SKAP2: variants seen among roughly 807,000 people sequenced by gnomAD.
The protein encoded by SKAP2 is src kinase associated phosphoprotein 2, also known as src kinase-associated phosphoprotein 2.
A neutral mutation model predicts 54.9 loss-of-function variants in SKAP2; 28 were observed. The observed-to-expected ratio is 0.51, with a 90% CI of 0.38 to 0.70. SKAP2 has a LOEUF of 0.70. Among genes scored for constraint, SKAP2 ranks in the 30% least tolerant of loss-of-function variants. SKAP2 has a pLI of 0.00. For missense variants in SKAP2, 356 were observed against 424.1 expected (o/e 0.84, Z 1.41); for synonymous variants, 137 against 134.3 (o/e 1.02, Z -0.14).
At chr7:26,830,496 T>C (rs1007074934) in intron 4 of SKAP2, among the ~76,000 whole-genome samples, 3 of 152,146 alleles carry the variant, frequency 2.0e-5, no homozygotes, top group African/African-American at 7.2e-5. Flanking sequence ...AAAATCAAAA[T>C]GATCTCTTTT....
At chr7:26,813,531 G>T (rs764316041) in intron 4 of SKAP2, among the ~76,000 whole-genome samples, 35 of 152,226 alleles carry the variant, frequency 2.3e-4, no homozygotes, top group Non-Finnish European at 4.0e-4. Context: ...ACTATGGGTT[G>T]TGCAAATGTG....
chr7:26,696,209 T>C (rs1786891468), intron 9 of SKAP2, among the ~76,000 whole-genome samples: 1 of 152,236 alleles, frequency 6.6e-6, no homozygotes, highest in African/African-American at 2.4e-5. Context: ...CAATAGACTA[T>C]TATTTTACAG....
intron 3 of SKAP2, among the ~76,000 whole-genome samples, chr7:26,850,317 T>C (rs1785012644): frequency 6.6e-6 from 1 of 152,066 alleles, no homozygotes; most frequent in South Asian, 2.1e-4. Context: ...TGGTGACTCA[T>C]GCCTGTAAGT....
chr7:26,717,971 A>G (rs1787497329), intron 9 of SKAP2, among the ~76,000 whole-genome samples: 1 of 152,080 alleles, frequency 6.6e-6, no homozygotes, highest in African/African-American at 2.4e-5. Flanking sequence ...CAGAATTTCT[A>G]TATCAGAAAA....
intron 4 of SKAP2, among the ~76,000 whole-genome samples, chr7:26,798,977 A>G (rs1783845177): frequency 6.7e-6 from 1 of 150,004 alleles, no homozygotes; most frequent in Admixed American, 6.6e-5. Flanking sequence ...TACCTTCACT[A>G]GAGGAAGACA....
downstream of SKAP2, among the ~76,000 whole-genome samples, chr7:26,665,992 TACAC>T (rs57804557): frequency 1.4e-4 from 21 of 149,718 alleles, no homozygotes; most frequent in African/African-American, 5.1e-4. Flanking sequence ...ATATACAGTG[TACAC>T]ACACACACAC....
chr7:26,790,105 T>C (rs1446785437), intron 4 of SKAP2, among the ~76,000 whole-genome samples: 3 of 152,184 alleles, frequency 2.0e-5, no homozygotes, highest in African/African-American at 7.2e-5. Context: ...AATCATCACC[T>C]CTAACTGTTC....
chr7:26,772,596 C>T (rs112564881), intron 4 of SKAP2, among the ~76,000 whole-genome samples: 248 of 152,282 alleles, frequency 1.6e-3, no homozygotes, highest in African/African-American at 5.7e-3. Flanking sequence ...CTGATATATA[C>T]GTACCACCTT....
In SKAP2 at chr7:26,814,215, T is replaced by C. The variant is rs911766798; in HGVS notation, c.307+29815A>G. Among the ~76,000 whole-genome samples the C allele has an allele frequency of 3.9e-5, 6 of 152,324 alleles. 1 individual carries two copies. Among genetic ancestry groups the C allele is most frequent in the East Asian group, 1.9e-4 (1 of 5,196 alleles). On this transcript the variant is annotated intron_variant, in intron 4 of 12. Transcript: ENST00000345317. The stretch of plus-strand genomic sequence containing the variant: ...ATATGTATGCCTTCTTAGCTCATTA[T>C]TAAAATTTGATATAATTGTTGTAAA...
chr7:26,742,777 T>C (rs1782481280), intron 4 of SKAP2, among the ~76,000 whole-genome samples: 1 of 152,190 alleles, frequency 6.6e-6, no homozygotes, highest in African/African-American at 2.4e-5. Flanking sequence ...TTTAGATTTT[T>C]AAATTTTCAG....
chr7:26,725,460 G>T lies in SKAP2; in HGVS notation c.764C>A (p.Pro255Gln), dbSNP rs772293020. Residue 255 changes from proline (P) to glutamine (Q), a missense_variant, in exon 9 of 13, where the codon CCA (proline) becomes CAA (glutamine). By Grantham distance (76) the Pro-to-Gln change is moderately conservative. Transcript: ENST00000345317. ...PISNPLTSSQ[P>Q]IDDEIYEELP... The stretch of plus-strand genomic sequence containing the variant: ...TTCTTCATAAATTTCATCATCTATT[G>T]GTTGACTGCTTGTTAGTGGATTGCT... 1.7e-5 allele frequency: 27 copies of T among 1,611,028 alleles called. No individual in the cohort carries two copies. Among genetic ancestry groups the T allele is most frequent in the South Asian group, 8.8e-5 (8 of 90,700 alleles).
rs1165991271 is a variant in SKAP2 at position 26,864,362 on chromosome 7, C to G, written c.67+1G>C. On this transcript the variant is annotated splice_donor_variant, in intron 1 of 12. Transcript: ENST00000345317. LOFTEE classifies it high-confidence loss of function. ...ATTATCGCCGCCTTCCCGCTCTTTA[C>G]CTGCCAACAGGTTCCTAATTTCCTC... 3 of 1,613,718 alleles carry G rather than the reference C, an allele frequency of 1.9e-6. No individual in the cohort carries two copies. In the African/African-American group the frequency reaches 4.0e-5, roughly 22 times the overall value.
intron 4 of SKAP2, among the ~76,000 whole-genome samples, chr7:26,787,048 CATTTTT>C (rs1272178058): frequency 1.3e-5 from 2 of 152,098 alleles, no homozygotes; most frequent in East Asian, 3.9e-4. Context: ...CAAGTAAACT[CATTTTT>C]AGTTTTCATG....
At chr7:26,833,251 C>T (rs1174545669) in intron 4 of SKAP2, among the ~76,000 whole-genome samples, 1 of 151,804 alleles carries the variant, frequency 6.6e-6, no homozygotes, top group Admixed American at 6.6e-5. Flanking sequence ...AAAAAATTAG[C>T]CAGGAGTGGT....
chr7:26,864,322 C>T (rs1380507455), intron 1 of SKAP2, 41 bp downstream of exon 1: 14 of 1,612,760 alleles, frequency 8.7e-6, no homozygotes, highest in Non-Finnish European at 1.2e-5. Context: ...GTTCCCTCGC[C>T]CCCGCCCCGA....
chr7:26,678,102 T>C (rs1246939581), intron 11 of SKAP2, among the ~76,000 whole-genome samples: 4 of 152,218 alleles, frequency 2.6e-5, no homozygotes, highest in Non-Finnish European at 4.4e-5. Context: ...ATAACCTTAC[T>C]GCACATCAGT....
At chr7:26,855,086 T>C (rs564756003) in intron 1 of SKAP2, 196 bp from the exon 2 acceptor site, 1 of 370,152 alleles carries the variant, frequency 2.7e-6, no homozygotes, top group East Asian at 4.4e-5. Flanking sequence ...ACCACTTAGC[T>C]AATAAAATTT....
chr7:26,664,725 A>G (rs1470114111), downstream of SKAP2, among the ~76,000 whole-genome samples: 15 of 125,610 alleles, frequency 1.2e-4, no homozygotes, highest in Non-Finnish European at 1.6e-4. Context: ...AGAAAACTGA[A>G]AAGAAAAAAA....
intron 4 of SKAP2, among the ~76,000 whole-genome samples, chr7:26,830,566 C>T (rs1354387745): frequency 1.3e-5 from 2 of 152,038 alleles, no homozygotes; most frequent in African/African-American, 4.8e-5. Flanking sequence ...TTTAAAATTG[C>T]TTAAGTCTTA....
Sources: gnomAD v4.1 joint callset for allele counts (sites outside exome capture counted in the v4.1 genomes callset) on GRCh38, gnomAD v4.1.1 for gene constraint, MANE v1.5 for transcripts, NCBI Gene and HGNC (gene_info 2026-07-23, HGNC 2026-07-21) for gene names.